UBE2E2: variants seen among roughly 807,000 people sequenced by gnomAD.
UBE2E2 encodes the protein ubiquitin conjugating enzyme E2 E2.
UBE2E2 carries 6 observed loss-of-function variants against 24.7 expected under a neutral mutation model. The ratio of observed to expected loss-of-function variants is 0.24; its 90% CI spans 0.13 to 0.48. UBE2E2 has a LOEUF of 0.48. Among genes scored for constraint, UBE2E2 ranks in the 20% least tolerant of loss-of-function variants. The pLI, the probability that UBE2E2 is intolerant of heterozygous loss-of-function variation, is 0.99. For missense variants in UBE2E2, 169 were observed against 245.0 expected, an observed-to-expected ratio of 0.69 and a Z score of 2.07; for synonymous variants, 104 against 83.6, an observed-to-expected ratio of 1.24 and a Z score of -1.33.
chr3:23,229,785 CAT>C (rs1696925547), intron 3 of UBE2E2, among the ~76,000 whole-genome samples: 1 of 152,130 alleles, frequency 6.6e-6, no homozygotes, highest in South Asian at 2.1e-4. Flanking sequence ...GGCCACTAGC[CAT>C]ATGTGGACAT....
At chr3:23,582,696 T>G (rs2125519755) in intron 5 of UBE2E2, among the ~76,000 whole-genome samples, 1 of 152,324 alleles carries the variant, frequency 6.6e-6, no homozygotes, top group Middle Eastern at 3.4e-3. Context: ...ATATATGCCT[T>G]CTTTTGAGAA....
chr3:23,352,602 A>G (rs1695788698), intron 3 of UBE2E2, among the ~76,000 whole-genome samples: 1 of 152,224 alleles, frequency 6.6e-6, no homozygotes, highest in South Asian at 2.1e-4. Flanking sequence ...AATACTACAA[A>G]CACCTCTACG....
chr3:23,324,772 C>T (rs1359243101), intron 3 of UBE2E2, among the ~76,000 whole-genome samples: 3 of 148,342 alleles, frequency 2.0e-5, no homozygotes, highest in Admixed American at 6.7e-5. Flanking sequence ...CTTTTCACAC[C>T]TCTCTTGGAG....
intron 3 of UBE2E2, among the ~76,000 whole-genome samples, chr3:23,350,466 G>A (rs1332986765): frequency 6.6e-6 from 1 of 152,068 alleles, no homozygotes; most frequent in Non-Finnish European, 1.5e-5. Flanking sequence ...CAAACCAAAG[G>A]CAAAGAAGTA....
intron 3 of UBE2E2, among the ~76,000 whole-genome samples, chr3:23,312,868 A>G (rs1010622402): frequency 6.6e-5 from 10 of 152,148 alleles, no homozygotes; most frequent in African/African-American, 2.2e-4. Flanking sequence ...ATTCAGGAGC[A>G]TATTGTTTAA....
At chr3:23,217,969 G>C (rs1048390366) in intron 3 of UBE2E2, among the ~76,000 whole-genome samples, 37 of 152,054 alleles carry the variant, frequency 2.4e-4, no homozygotes, top group African/African-American at 8.2e-4. Flanking sequence ...CTTTGGGTCT[G>C]GTGCAGTAGT....
At chr3:23,353,468 A>G (rs976576247) in intron 3 of UBE2E2, among the ~76,000 whole-genome samples, 1 of 152,216 alleles carries the variant, frequency 6.6e-6, no homozygotes, top group East Asian at 1.9e-4. Context: ...AGATGACATG[A>G]TAGTATATCT....
intron 3 of UBE2E2, among the ~76,000 whole-genome samples, chr3:23,350,827 G>A (rs1012636558): frequency 6.6e-6 from 1 of 152,182 alleles, no homozygotes; most frequent in Non-Finnish European, 1.5e-5. Context: ...ATATTGTCCA[G>A]GAGAACTTCC....
intron 5 of UBE2E2, among the ~76,000 whole-genome samples, chr3:23,582,860 A>AGTGTGTATGTGTGTGT (rs376338155): frequency 1.7e-5 from 2 of 116,746 alleles, no homozygotes; most frequent in African/African-American, 7.1e-5. Context: ...TATTCTGTTG[A>AGTGTGTATGTGTGTGT]GTGTGTGTGT....
At chr3:23,342,792 T>A (rs1559354362) in intron 3 of UBE2E2, among the ~76,000 whole-genome samples, 1 of 152,236 alleles carries the variant, frequency 6.6e-6, no homozygotes, top group Non-Finnish European at 1.5e-5. Context: ...GGGGAAATTT[T>A]CTTAATAAGT....
intron 5 of UBE2E2, among the ~76,000 whole-genome samples, chr3:23,573,150 A>G (rs1405263106): frequency 6.6e-6 from 1 of 152,184 alleles, no homozygotes; most frequent in East Asian, 1.9e-4. Flanking sequence ...CAAAAGACAA[A>G]TTATTCCGTT....
At chr3:23,343,491 G>T (rs1158553514) in intron 3 of UBE2E2, among the ~76,000 whole-genome samples, 3 of 152,104 alleles carry the variant, frequency 2.0e-5, no homozygotes, top group Admixed American at 1.3e-4. Context: ...CAGGAGAATC[G>T]CTTGAACCTG....
At chr3:23,299,258 A>G (rs1213424188) in intron 3 of UBE2E2, among the ~76,000 whole-genome samples, 1 of 152,014 alleles carries the variant, frequency 6.6e-6, no homozygotes, top group Admixed American at 6.5e-5. Flanking sequence ...TAATCTTTTG[A>G]AGGTTTTTTT....
chr3:23,245,081 G>T (rs553532224), intron 3 of UBE2E2, among the ~76,000 whole-genome samples: 1 of 151,882 alleles, frequency 6.6e-6, no homozygotes, highest in African/African-American at 2.4e-5. Flanking sequence ...GGCTTATTAC[G>T]GTCTAGTAAA....
intron 3 of UBE2E2, among the ~76,000 whole-genome samples, chr3:23,475,179 A>T (rs1285979942): frequency 6.6e-6 from 1 of 151,892 alleles, no homozygotes; most frequent in Non-Finnish European, 1.5e-5. Flanking sequence ...TTTAAATGTC[A>T]GTAAGTGTTT....
At chr3:23,305,278 T>C (rs1004664585) in intron 3 of UBE2E2, among the ~76,000 whole-genome samples, 1 of 152,236 alleles carries the variant, frequency 6.6e-6, no homozygotes, top group African/African-American at 2.4e-5. Flanking sequence ...GCTTGCAGCT[T>C]TAACAGGTAT....
chr3:23,331,209 A>G (rs1575565320), intron 3 of UBE2E2, among the ~76,000 whole-genome samples: 2 of 152,332 alleles, frequency 1.3e-5, no homozygotes, highest in South Asian at 4.1e-4. Flanking sequence ...AAAATGGAAT[A>G]TTGGTACAAA....
intron 3 of UBE2E2, among the ~76,000 whole-genome samples, chr3:23,275,908 C>G (rs1013129229): frequency 6.6e-6 from 1 of 152,122 alleles, no homozygotes; most frequent in Non-Finnish European, 1.5e-5. Context: ...TTGAGCTTCT[C>G]TCTATCATGA....
intron 3 of UBE2E2, among the ~76,000 whole-genome samples, chr3:23,487,075 C>A (rs1402141075): frequency 6.6e-6 from 1 of 152,208 alleles, no homozygotes. Context: ...CCCTCAATAC[C>A]CCCGGCCTCC....
Sources: gnomAD v4.1 joint callset for allele counts (sites outside exome capture counted in the v4.1 genomes callset) on GRCh38, gnomAD v4.1.1 for gene constraint, MANE v1.5 for transcripts, NCBI Gene and HGNC (gene_info 2026-07-23, HGNC 2026-07-21) for gene names.